The following PYM1 variants were observed in gnomAD, a reference collection of about 807,000 sequenced individuals.
PYM1 encodes the protein partner of Y14 and mago.
PYM1 carries 7 observed loss-of-function variants against 20.7 expected under a neutral mutation model. The observed-to-expected ratio is 0.34, with a 90% confidence interval of 0.19 to 0.64. PYM1 has a LOEUF of 0.64. Among genes scored for constraint, PYM1 ranks in the 30% least tolerant of loss-of-function variants. PYM1 has a pLI of 0.74. For synonymous variants in PYM1, 100 were observed against 99.2 expected (o/e 1.01, Z -0.05); for missense variants, 194 against 250.0 (o/e 0.78, Z 1.51).
rs1286819411 is a variant in PYM1, at chr12:55,927,804, C to T, written c.-43G>A. 2.0e-6 allele frequency: 3 copies of T among 1,533,056 alleles called. No individual in the cohort carries two copies. Among genetic ancestry groups the T allele is most frequent in the South Asian group, 2.4e-5 (2 of 83,716 alleles). 95.0% of individuals were successfully genotyped at this position (1,533,056 alleles called of 1,614,324 possible). A position where few individuals can be genotyped will look rare whatever the true frequency, so the allele number is the denominator to read the frequency against. On this transcript the variant is annotated 5_prime_UTR_variant, in exon 1 of 3. Transcript: ENST00000408946. The stretch of plus-strand genomic sequence containing the variant: ...ACCAGGTTGGGCGGGCGGCCCTGGC[C>T]TGGCTCTGCCCCGCTGGGCGGCGCC...
At chr12:55,906,147 C>T (rs950389624) in intron 1 of PYM1, among the ~76,000 whole-genome samples, 4 of 149,036 alleles carry the variant, frequency 2.7e-5, no homozygotes, top group Middle Eastern at 7.1e-3. Flanking sequence ...CATAGTTTGT[C>T]AGTGTTTTTT....
At chr12:55,910,226 T>G (rs1336007994) in intron 1 of PYM1, among the ~76,000 whole-genome samples, 2 of 150,794 alleles carry the variant, frequency 1.3e-5, no homozygotes, top group African/African-American at 4.9e-5. Flanking sequence ...GTGCCCTAGG[T>G]GCTTGAGGTA....
intron 1 of PYM1, among the ~76,000 whole-genome samples, chr12:55,924,322 A>G (rs1338740728): frequency 6.6e-6 from 1 of 152,114 alleles, no homozygotes; most frequent in Non-Finnish European, 1.5e-5. Flanking sequence ...CAGCAAGGAA[A>G]CAGAAATATC....
At chr12:55,914,212 T>G in intron 1 of PYM1, 1 of 682,156 alleles carries the variant, frequency 1.5e-6, no homozygotes, top group Non-Finnish European at 2.7e-6. Context: ...CAGAAGCTTC[T>G]TGAATGGCCA....
At chr12:55,926,535 T>C (rs1883189893) in intron 1 of PYM1, among the ~76,000 whole-genome samples, 1 of 152,138 alleles carries the variant, frequency 6.6e-6, no homozygotes, top group Admixed American at 6.5e-5. Context: ...AGCTGAAAGT[T>C]GTATTAGGGT....
intron 1 of PYM1, among the ~76,000 whole-genome samples, chr12:55,906,837 G>A (rs1038062397): frequency 6.6e-6 from 1 of 151,798 alleles, no homozygotes; most frequent in African/African-American, 2.4e-5. Context: ...TAGTAGAGAC[G>A]GGATTTCTCT....
In PYM1 at chr12:55,902,036, C is replaced by A; in HGVS notation, c.451G>T (p.Ala151Ser). The A allele has an allele frequency of 1.9e-6, 3 of 1,614,150 alleles. No individual in the cohort carries two copies. The highest frequency in any genetic ancestry group is 2.5e-6 in the Non-Finnish European group (3 of 1,180,028). The change falls in exon 3 of 3, where the codon GCC (alanine) becomes TCC (serine). Residue 151 changes from alanine (A) to serine (S), a missense_variant. Ala to Ser is a moderately conservative substitution (Grantham distance 99, BLOSUM62 1). Coordinates refer to ENST00000408946, the MANE Select transcript of PYM1 (RefSeq NM_032345.3). ...QPDSAATTEK[A>S]KKIKNLKKKL... Reference sequence around the variant, plus strand: ...TTCTTTAGGTTCTTTATCTTCTTGGCTTTCTCAGTGGTGGCAGCTGAGTCA... The same window carrying A: ...TTCTTTAGGTTCTTTATCTTCTTGGATTTCTCAGTGGTGGCAGCTGAGTCA...
intron 1 of PYM1, among the ~76,000 whole-genome samples, chr12:55,923,440 C>T (rs1319516893): frequency 1.3e-5 from 2 of 151,430 alleles, no homozygotes; most frequent in Non-Finnish European, 2.9e-5. Flanking sequence ...GTGGTGTGTA[C>T]CTGTAGTCCC....
chr12:55,918,449 T>C (rs899763315), intron 1 of PYM1, among the ~76,000 whole-genome samples: 1 of 151,138 alleles, frequency 6.6e-6, no homozygotes, highest in African/African-American at 2.4e-5. Flanking sequence ...AATCAACAAA[T>C]AGGCCAGGCA....
intron 1 of PYM1, among the ~76,000 whole-genome samples, chr12:55,917,779 C>T (rs1278410653): frequency 7.9e-5 from 12 of 151,822 alleles, no homozygotes; most frequent in African/African-American, 1.2e-4. Context: ...CTGGCCAACA[C>T]GGTGAAACCC....
chr12:55,927,253 G>GGAA (rs1883210812), intron 1 of PYM1: 2 of 1,190,106 alleles, frequency 1.7e-6, no homozygotes, highest in Non-Finnish European at 1.2e-6. Context: ...TGGAGGAGGA[G>GGAA]GAAGAGTGGA....
At chr12:55,910,710 T>C (rs1882907402) in intron 1 of PYM1, among the ~76,000 whole-genome samples, 1 of 152,012 alleles carries the variant, frequency 6.6e-6, no homozygotes, top group African/African-American at 2.4e-5. Flanking sequence ...TCCCAAAGTG[T>C]TGGGATTGCA....
chr12:55,918,088 TTTTC>T (rs942111636), intron 1 of PYM1, among the ~76,000 whole-genome samples: 6 of 150,572 alleles, frequency 4.0e-5, no homozygotes, highest in Admixed American at 1.3e-4. Flanking sequence ...AACCTACACA[TTTTC>T]TTTTTTTTTT....
intron 1 of PYM1, among the ~76,000 whole-genome samples, chr12:55,926,899 C>A (rs1252506044): frequency 6.6e-6 from 1 of 152,196 alleles, no homozygotes; most frequent in Non-Finnish European, 1.5e-5. Context: ...AGACCCCAAA[C>A]ACGAGACCAG....
At chr12:55,920,560 C>T (rs1883080627) in intron 1 of PYM1, among the ~76,000 whole-genome samples, 1 of 151,396 alleles carries the variant, frequency 6.6e-6, no homozygotes, top group South Asian at 2.1e-4. Context: ...ATCACTTGAG[C>T]CCAGGAGGTG....
At chr12:55,912,117 G>A (rs767855903) in intron 1 of PYM1, among the ~76,000 whole-genome samples, 1 of 151,904 alleles carries the variant, frequency 6.6e-6, no homozygotes, top group African/African-American at 2.4e-5. Context: ...GGGAAGCCGA[G>A]GCAGGTGGGT....
chr12:55,905,892 T>TATATTAGA lies in PYM1; in HGVS notation c.38-2413_38-2412insTCTAATAT, dbSNP rs1440579959. 4.3e-5 allele frequency among the ~76,000 whole-genome samples: 3 copies of TATATTAGA among 69,470 alleles called. 1 individual carries two copies. The highest frequency in any genetic ancestry group is 1.6e-4 in the African/African-American group (3 of 19,076). 45.6% of individuals were successfully genotyped at this position (69,470 alleles called of 152,430 possible). ...ATATATCTATTAGATATATATATTA[T>TATATTAGA]TATATATATCTAATAGATATATATA... On this transcript the variant is annotated intron_variant, in intron 1 of 2. Coordinates refer to ENST00000408946, the MANE Select transcript of PYM1 (RefSeq NM_032345.3).
chr12:55,919,594 T>C (rs1883063675), intron 1 of PYM1, among the ~76,000 whole-genome samples: 1 of 152,192 alleles, frequency 6.6e-6, no homozygotes, highest in Admixed American at 6.5e-5. Flanking sequence ...TATGCATATG[T>C]GCTTAGAAAA....
intron 1 of PYM1, chr12:55,914,498 T>A: frequency 1.6e-6 from 1 of 623,338 alleles, no homozygotes; most frequent in Non-Finnish European, 2.9e-6. Context: ...ATCTGCCGTT[T>A]TTTAATTCTC....
Sources: allele counts gnomAD v4.1 joint callset (sites outside exome capture counted in the v4.1 genomes callset), GRCh38; gene constraint gnomAD v4.1.1; transcripts MANE v1.5; gene names NCBI Gene and HGNC (gene_info 2026-07-23, HGNC 2026-07-21).